BCL2L13: variants seen among roughly 807,000 people sequenced by gnomAD.
BCL2L13 encodes BCL2 like 13, also known as bcl-2-like protein 13.
Under a neutral mutation model 25.8 loss-of-function variants are expected in BCL2L13, and 13 were observed. The ratio of observed to expected loss-of-function variants is 0.50; its 90% CI spans 0.33 to 0.80. The LOEUF (loss-of-function observed/expected upper bound fraction) is 0.80. Ranked by LOEUF, BCL2L13 falls within the 30% of genes least tolerant of loss-of-function variation. The pLI is 0.02. For missense variants in BCL2L13, 504 were observed against 574.9 expected (o/e 0.88, Z 1.26); for synonymous variants, 244 against 230.3 (o/e 1.06, Z -0.54).
At position 17,689,038 on chromosome 22, in the gene BCL2L13, C is replaced by T. The variant is rs1436641882; in HGVS notation, c.282C>T (p.Ala94=). Residue 94 remains alanine (A), a synonymous_variant, in exon 4 of 7, where the codon GCC becomes GCT. Coordinates refer to ENST00000317582, the MANE Select transcript of BCL2L13 (RefSeq NM_015367.4). ...ACACTTCTCCAGTGTTCAGCCCTGC[C>T]AATCCAGAAAGCTCAATGGAAGACT... The part of the protein sequence containing the change: ...DRHTSPVFSP[A]NPESSMEDCL... The T allele has an allele frequency of 1.2e-6, 2 of 1,614,028 alleles. No individual in the cohort carries two copies. Among genetic ancestry groups the T allele is most frequent in the East Asian group, 2.2e-5 (1 of 44,894 alleles).
intron 2 of BCL2L13, among the ~76,000 whole-genome samples, chr22:17,661,788 T>TA (rs1290058666): frequency 6.9e-6 from 1 of 144,550 alleles, no homozygotes; most frequent in Non-Finnish European, 1.6e-5. Flanking sequence ...GGTCGGGAGT[T>TA]AGAGACCAGC....
intron 1 of BCL2L13, among the ~76,000 whole-genome samples, chr22:17,640,940 G>C (rs1187100549): frequency 1.3e-5 from 2 of 151,004 alleles, no homozygotes; most frequent in East Asian, 3.9e-4. Context: ...GCCCAGGCTG[G>C]AGTGCAATGA....
chr22:17,667,170 C>A (rs182104599), intron 2 of BCL2L13, among the ~76,000 whole-genome samples: 1 of 152,150 alleles, frequency 6.6e-6, no homozygotes, highest in African/African-American at 2.4e-5. Flanking sequence ...ATTGCTGGAT[C>A]ATATGGTAGC....
chr22:17,712,048 T>C (rs1203214931), intron 6 of BCL2L13, among the ~76,000 whole-genome samples: 1 of 152,092 alleles, frequency 6.6e-6, no homozygotes, highest in Non-Finnish European at 1.5e-5. Context: ...GTGTAAATTT[T>C]TAATGTAAGT....
At chr22:17,714,886 G>A (rs989017724) in intron 6 of BCL2L13, among the ~76,000 whole-genome samples, 1 of 151,622 alleles carries the variant, frequency 6.6e-6, no homozygotes, top group Non-Finnish European at 1.5e-5. Context: ...GGGCATGGTG[G>A]CTCATGCCTA....
At chr22:17,638,665 C>A (rs2146364405), upstream of BCL2L13, 1 of 1,231,476 alleles carries the variant, frequency 8.1e-7, no homozygotes, top group South Asian at 4.1e-5. Context: ...CTCCGTTGGT[C>A]GGTCCTTCCG....
At chr22:17,699,197 A>C (rs2060358930) in intron 5 of BCL2L13, among the ~76,000 whole-genome samples, 1 of 152,242 alleles carries the variant, frequency 6.6e-6, no homozygotes, top group South Asian at 2.1e-4. Flanking sequence ...AATCAAAGAC[A>C]AACCTAATCA....
chr22:17,646,859 A>T (rs1289589763), intron 1 of BCL2L13, among the ~76,000 whole-genome samples: 2 of 133,848 alleles, frequency 1.5e-5, no homozygotes, highest in African/African-American at 2.7e-5. Context: ...AGATGGGATT[A>T]CAGGTGCCTG....
rs1176439597 is a variant in BCL2L13 at position 17,726,973 on chromosome 22, G to A, written c.897G>A (p.Glu299=). 2.5e-6 allele frequency: 4 copies of A among 1,614,194 alleles called. No homozygotes were observed. Among genetic ancestry groups the A allele is most frequent in the Non-Finnish European group, 3.4e-6 (4 of 1,180,040 alleles). The change falls in exon 7 of 7, where the codon GAG becomes GAA. Residue 299 remains glutamate (E), a synonymous_variant. Transcript: ENST00000317582. ...LDSNGAGEKS[E]NNSSNSDIVH... is the part of the protein sequence containing the mutation. ...GCAACGGAGCTGGAGAGAAGAGTGAGAACAACTCCTCTAATTCTGACATTG... is the reference window on the plus strand; with the variant it reads ...GCAACGGAGCTGGAGAGAAGAGTGAAAACAACTCCTCTAATTCTGACATTG...
chr22:17,707,163 GAGTA>G (rs1256303684), intron 6 of BCL2L13, among the ~76,000 whole-genome samples: 12 of 139,838 alleles, frequency 8.6e-5, no homozygotes, highest in African/African-American at 3.1e-4. Context: ...AATTTAGTAA[GAGTA>G]AGTACTGTTT....
At position 17,726,735 on chromosome 22, in the gene BCL2L13, A is replaced by G; in HGVS notation, c.659A>G (p.Asp220Gly). ...GAATACCCTGGAATCACTGCAGAAGATAGCAATGACATTTACATCCTGCCC... is the reference window on the plus strand; with the variant it reads ...GAATACCCTGGAATCACTGCAGAAGGTAGCAATGACATTTACATCCTGCCC... ...EEEYPGITAE[D>G]SNDIYILPSD... The change falls in exon 7 of 7, where the codon GAT becomes GGT. Residue 220 changes from aspartate to glycine, a missense_variant. Coordinates refer to ENST00000317582, the MANE Select transcript of BCL2L13 (RefSeq NM_015367.4). 2 of 1,614,144 alleles carry G rather than the reference A, an allele frequency of 1.2e-6. No individual in the cohort carries two copies. The highest frequency in any genetic ancestry group is 1.7e-6 in the Non-Finnish European group (2 of 1,179,980).
intron 6 of BCL2L13, chr22:17,706,628 TC>T: frequency 8.1e-7 from 1 of 1,231,570 alleles, no homozygotes; most frequent in South Asian, 1.5e-5. Flanking sequence ...TTAAGTCTGA[TC>T]ACCATTTCCT....
chr22:17,668,067 G>C (rs571690780), intron 2 of BCL2L13, among the ~76,000 whole-genome samples: 1 of 146,880 alleles, frequency 6.8e-6, no homozygotes, highest in South Asian at 2.2e-4. Flanking sequence ...CTGGAGTGCA[G>C]TGGCACTATC....
chr22:17,653,267 T>C (rs55645688), intron 1 of BCL2L13, among the ~76,000 whole-genome samples: 2,260 of 152,250 alleles, frequency 0.015, 57 homozygotes, highest in African/African-American at 0.05. Flanking sequence ...ATTTAAGAAA[T>C]AGGAGTAATA....
intron 2 of BCL2L13, among the ~76,000 whole-genome samples, chr22:17,673,533 A>AT (rs34253686): frequency 0.024 from 3,115 of 131,034 alleles, 113 homozygotes; most frequent in African/African-American, 0.082. Context: ...ATGCCTGGCA[A>AT]TTTTTTTTTT....
intron 2 of BCL2L13, among the ~76,000 whole-genome samples, chr22:17,677,824 A>T (rs2059617521): frequency 6.6e-6 from 1 of 151,790 alleles, no homozygotes; most frequent in East Asian, 1.9e-4. Context: ...GTGAGGCGAG[A>T]TCGCGCCATT....
At chr22:17,629,305 C>G (rs562135464) in intron 1 of BCL2L13, among the ~76,000 whole-genome samples, 1 of 152,086 alleles carries the variant, frequency 6.6e-6, no homozygotes, top group South Asian at 2.1e-4. Context: ...CTGAAGTTAC[C>G]TTTTTTAACC....
intron 2 of BCL2L13, among the ~76,000 whole-genome samples, chr22:17,660,368 T>A (rs2059025054): frequency 6.8e-6 from 1 of 146,470 alleles, no homozygotes; most frequent in Non-Finnish European, 1.6e-5. Flanking sequence ...AACTTATTTT[T>A]GGAATGTATT....
At chr22:17,671,961 G>A (rs1697019646) in intron 2 of BCL2L13, among the ~76,000 whole-genome samples, 1 of 152,184 alleles carries the variant, frequency 6.6e-6, no homozygotes, top group African/African-American at 2.4e-5. Flanking sequence ...TGATCCGCTC[G>A]CCTTGGCCTC....
Sources: allele counts gnomAD v4.1 joint callset (sites outside exome capture counted in the v4.1 genomes callset), GRCh38; gene constraint gnomAD v4.1.1; transcripts MANE v1.5; gene names NCBI Gene and HGNC (gene_info 2026-07-23, HGNC 2026-07-21).